Variants in UGGT1 observed in about 807,000 individuals in gnomAD.
UGGT1 encodes the protein UDP-glucose glycoprotein glucosyltransferase 1, also known as UDP-glucose:glycoprotein glucosyltransferase 1.
A neutral mutation model predicts 203.9 loss-of-function variants in UGGT1; 107 were observed. That is an observed-to-expected ratio of 0.52 (90% CI 0.45 to 0.62). The LOEUF (loss-of-function observed/expected upper bound fraction) is 0.62, where lower values mean the gene tolerates loss of function less well. UGGT1 is among the 20% of genes least tolerant of loss of function. UGGT1 has a pLI of 0.00. For missense variants in UGGT1, 1,673 were observed against 1,867.2 expected, an observed-to-expected ratio of 0.90 and a Z score of 1.92; for synonymous variants, 628 against 653.5, an observed-to-expected ratio of 0.96 and a Z score of 0.59.
At chr2:128,150,256 C>G (rs188719734) in intron 18 of UGGT1, among the ~76,000 whole-genome samples, 1 of 152,036 alleles carries the variant, frequency 6.6e-6, no homozygotes, top group Non-Finnish European at 1.5e-5. Context: ...GCTAACATAA[C>G]GAGACCTCAT....
Position 128,190,036 on chromosome 2 carries a change from T to C in UGGT1, c.*294T>C. 3.2e-6 allele frequency: 1 copy of C among 315,474 alleles called. No individual in the cohort carries two copies. The highest frequency in any genetic ancestry group is 5.9e-6 in the Non-Finnish European group (1 of 168,508). 19.5% of individuals were successfully genotyped at this position (315,474 alleles called of 1,614,324 possible). A position where few individuals can be genotyped will look rare whatever the true frequency, so the allele number is the denominator to read the frequency against. ...AATGGCAGCAGCAACTGGAAGAAAA[T>C]GAGTTTTTTGGTGCCCACACCCAAG... On this transcript the variant is annotated 3_prime_UTR_variant, in exon 41 of 41. Transcript: ENST00000259253.
intron 16 of UGGT1, among the ~76,000 whole-genome samples, chr2:128,141,928 T>A (rs1039662652): frequency 6.6e-6 from 1 of 152,100 alleles, no homozygotes; most frequent in African/African-American, 2.4e-5. Flanking sequence ...TTTCAAGGAC[T>A]ACTTATAAGT....
chr2:128,140,653 C>T (rs1402488440), intron 16 of UGGT1: 1 of 152,152 alleles, frequency 6.6e-6, no homozygotes, highest in African/African-American at 2.4e-5. Context: ...CCAGCTACAC[C>T]CACCACCCAC....
intron 28 of UGGT1, 180 bp downstream of exon 28, chr2:128,171,464 T>G (rs1691099187): frequency 1.7e-6 from 1 of 602,680 alleles, no homozygotes; most frequent in African/African-American, 1.9e-5. Context: ...ATAGTGTGTT[T>G]GTAGCATTTA....
At chr2:128,161,039 G>C in intron 24 of UGGT1, 99 bp from the exon 25 acceptor site, 1 of 1,399,748 alleles carries the variant, frequency 7.1e-7, no homozygotes, top group South Asian at 1.3e-5. Flanking sequence ...AGATGTTCTG[G>C]CGTATGAGGT....
intron 25 of UGGT1, 32 bp from the exon 26 acceptor site, chr2:128,164,698 G>C (rs1690696918): frequency 6.3e-7 from 1 of 1,580,494 alleles, no homozygotes; most frequent in Non-Finnish European, 8.7e-7. Context: ...CAGTTAAAAA[G>C]ATGTTAAGAT....
In UGGT1 at chr2:128,156,998, A is replaced by G. The variant is rs142867133; in HGVS notation, c.2261-254A>G. 3.3e-3 allele frequency among the ~76,000 whole-genome samples: 509 copies of G among 152,366 alleles called. 6 individuals are homozygous for G. The highest frequency in any genetic ancestry group is 0.014 in the Middle Eastern group (4 of 294). Reference sequence around the variant, plus strand: ...TGTTTTTCATTTTACATGCTAACAGATGCCCAGACCAGTGCATTAATCAGT... The same window carrying G: ...TGTTTTTCATTTTACATGCTAACAGGTGCCCAGACCAGTGCATTAATCAGT... On this transcript the variant is annotated intron_variant, in intron 21 of 40. Transcript: ENST00000259253.
intron 2 of UGGT1, among the ~76,000 whole-genome samples, chr2:128,102,915 TG>T (rs1687444956): frequency 6.6e-6 from 1 of 152,226 alleles, no homozygotes; most frequent in Non-Finnish European, 1.5e-5. Flanking sequence ...AAGCTTGGTG[TG>T]GTGTCTATGT....
chr2:128,174,984 C>G, intron 31 of UGGT1, 126 bp downstream of exon 31: 1 of 737,882 alleles, frequency 1.4e-6, no homozygotes, highest in Non-Finnish European at 2.2e-6. Flanking sequence ...TGTGATGAAA[C>G]AGTGGTTTTT....
At chr2:128,162,968 A>G (rs1690599544) in intron 25 of UGGT1, among the ~76,000 whole-genome samples, 1 of 112,810 alleles carries the variant, frequency 8.9e-6, no homozygotes, top group East Asian at 1.9e-4. Context: ...CATTAGCGCC[A>G]GAGCTGCTCC....
rs187393732 is a variant in UGGT1, at chr2:128,174,675, A to G, written c.3454-98A>G. The stretch of plus-strand genomic sequence containing the variant: ...ATTTGTTTACTGTGTTATTCACATT[A>G]TAGTTGATTGATATTTCAGAAATAG... On this transcript the variant is annotated intron_variant, in intron 30 of 40. Transcript: ENST00000259253. The G allele has an allele frequency of 1.8e-3, 1,863 of 1,019,552 alleles. 7 individuals are homozygous for G. Among genetic ancestry groups the G allele is most frequent in the African/African-American group, 7.8e-3 (482 of 62,108 alleles). The allele number at this position is 1,019,552 out of a possible 1,614,324, so 63.2% of individuals were successfully genotyped here.
rs1185493054 is a variant in UGGT1, at chr2:128,160,475, CT to C, written c.2583del (p.Phe861LeufsTer24). ...EFSVGGMDFS[L>X]FKEVFESSKM... ...ACTTTCCTAGGGAATGGATTTCAGT[CT>C]TTTTAAAGAGGTCTTTGAGTCTTCC... On this transcript the variant is annotated frameshift_variant, in exon 24 of 41. Transcript: ENST00000259253. LOFTEE classifies it high-confidence loss of function. 3 of 1,602,434 alleles carry C rather than the reference CT, an allele frequency of 1.9e-6. No individual in the cohort carries two copies. Among genetic ancestry groups the C allele is most frequent in the Non-Finnish European group, 2.6e-6 (3 of 1,176,234 alleles).
intron 10 of UGGT1, 52 bp downstream of exon 10, chr2:128,121,350 G>T: frequency 2.4e-6 from 3 of 1,251,556 alleles, no homozygotes; most frequent in African/African-American, 1.6e-5. Context: ...TCATCGTCAT[G>T]TTCACTTGCC....
intron 18 of UGGT1, among the ~76,000 whole-genome samples, chr2:128,148,182 C>T (rs1337249791): frequency 6.6e-6 from 1 of 152,212 alleles, no homozygotes; most frequent in Admixed American, 6.5e-5. Flanking sequence ...CTGCCTCAGC[C>T]TCCCGAGTAG....
intron 37 of UGGT1, among the ~76,000 whole-genome samples, chr2:128,182,784 AC>A (rs904272470): frequency 4.7e-4 from 71 of 151,030 alleles, no homozygotes; most frequent in Middle Eastern, 3.4e-3. Flanking sequence ...ACAGCAGATA[AC>A]CTCCCAACTT....
chr2:128,111,293 T>A (rs549934489), intron 5 of UGGT1, among the ~76,000 whole-genome samples: 1 of 152,226 alleles, frequency 6.6e-6, no homozygotes, highest in South Asian at 2.1e-4. Context: ...AGGTAGAGAC[T>A]GCAGTGAGCC....
In UGGT1 at chr2:128,120,523, A is replaced by AAATTTG. The variant is rs915433423; in HGVS notation, c.973+73_973+78dup. 40 of 1,279,766 alleles carry AAATTTG rather than the reference A, an allele frequency of 3.1e-5. No individual in the cohort carries two copies. In the Admixed American group the frequency reaches 7.4e-4, roughly 24 times the overall value. 79.3% of individuals were successfully genotyped at this position (1,279,766 alleles called of 1,614,324 possible). A position where few individuals can be genotyped will look rare whatever the true frequency, so the allele number is the denominator to read the frequency against. ...AAGTTTTATGGCTTTAAAAAATGCA[A>AAATTTG]AATTTGAATTTAATTGTATGTAGTA... On this transcript the variant is annotated intron_variant, in intron 9 of 40. Transcript: ENST00000259253.
intron 12 of UGGT1, among the ~76,000 whole-genome samples, chr2:128,128,133 A>G (rs1688689773): frequency 6.6e-6 from 1 of 152,092 alleles, no homozygotes; most frequent in Non-Finnish European, 1.5e-5. Context: ...CTGTCTACAT[A>G]TATTATTTGA....
chr2:128,153,568 A>G (rs929163074), intron 19 of UGGT1, among the ~76,000 whole-genome samples: 4 of 152,094 alleles, frequency 2.6e-5, no homozygotes, highest in African/African-American at 7.2e-5. Flanking sequence ...TTCTGTGTCT[A>G]TGGATTTGCC....
Sources: gnomAD v4.1 joint callset for allele counts (sites outside exome capture counted in the v4.1 genomes callset) on GRCh38, gnomAD v4.1.1 for gene constraint, MANE v1.5 for transcripts, NCBI Gene and HGNC (gene_info 2026-07-23, HGNC 2026-07-21) for gene names.